The following ZNF285 variants were observed in gnomAD, a reference collection of about 807,000 sequenced individuals.
ZNF285 encodes zinc finger protein 285.
Under a neutral mutation model 6.2 loss-of-function variants are expected in ZNF285, and 4 were observed. The observed-to-expected ratio is 0.65, with a 90% confidence interval of 0.32 to 1.49. ZNF285 has a LOEUF of 1.49. Ranked by LOEUF, ZNF285 falls within the 40% of genes most tolerant of loss-of-function variation. The pLI is 0.07. For missense variants in ZNF285, 695 were observed against 708.8 expected, an observed-to-expected ratio of 0.98 and a Z score of 0.22; for synonymous variants, 240 against 245.8, an observed-to-expected ratio of 0.98 and a Z score of 0.22.
chr19:44,394,770 T>C (rs567845572), intron 2 of ZNF285, among the ~76,000 whole-genome samples: 2 of 152,286 alleles, frequency 1.3e-5, no homozygotes, highest in Admixed American at 1.3e-4. Flanking sequence ...AAGAACATGT[T>C]ACTAACAATT....
intron 2 of ZNF285, chr19:44,394,579 A>G: frequency 3.5e-6 from 2 of 578,852 alleles, no homozygotes; most frequent in Non-Finnish European, 6.0e-6. Context: ...AAAATTTTAA[A>G]AAATTAAAAA....
rs543374995 is a variant in ZNF285 at position 44,385,552 on chromosome 19, A to G, written c.*920T>C. On this transcript the variant is annotated 3_prime_UTR_variant, in exon 4 of 4. Transcript: ENST00000614994. ...ATGTTACTTCTGTATGTGGACTCCA[A>G]TGACAATGAAACATATTGCTATAAA... 1 of 152,364 alleles carries G rather than the reference A, an allele frequency of 6.6e-6. No individual in the cohort carries two copies. The highest frequency in any genetic ancestry group is 2.4e-5 in the African/African-American group (1 of 41,578). The allele number at this position is 152,364 out of a possible 1,614,324, so 9.4% of individuals were successfully genotyped here.
chr19:44,387,183 T>C lies in ZNF285; in HGVS notation c.1062A>G (p.Gly354=). The C allele has an allele frequency of 6.2e-7, 1 of 1,612,024 alleles. No homozygotes were observed. Among genetic ancestry groups the C allele is most frequent in the Non-Finnish European group, 8.5e-7 (1 of 1,179,352 alleles). The stretch of plus-strand genomic sequence containing the variant: ...GATGAATACAAAGAAGTGACCTAAA[T>C]CCAAACCCTTTCCCACATTCATCGC... The part of the protein sequence containing the change: ...YKCDECGKGF[G]FRSLLCIHQG... The change falls in exon 4 of 4, where the codon GGA becomes GGG. Residue 354 remains glycine, a synonymous_variant. Transcript: ENST00000614994.
chr19:44,400,422 T>C (rs1971355779), intron 1 of ZNF285, among the ~76,000 whole-genome samples: 1 of 152,124 alleles, frequency 6.6e-6, no homozygotes, highest in South Asian at 2.1e-4. Flanking sequence ...TCTCTAACTT[T>C]ATCAAATATA....
chr19:44,388,002 G>A lies in ZNF285; in HGVS notation c.243C>T (p.Ile81=). 1 of 1,614,102 alleles carries A rather than the reference G, an allele frequency of 6.2e-7. No homozygotes were observed. The part of the protein sequence containing the change: ...LHCWQIWKQR[I]RDLTVSQDYI... Reference sequence around the variant, plus strand: ...AATCCTGACTCACAGTTAAATCCCGGATCCTTTGTTTCCAAATCTGCCAGC... The same window carrying A: ...AATCCTGACTCACAGTTAAATCCCGAATCCTTTGTTTCCAAATCTGCCAGC... The change falls in exon 4 of 4, where the codon ATC becomes ATT. Residue 81 remains isoleucine, a synonymous_variant. Transcript: ENST00000614994.
At chr19:44,397,301 GTGAA>G (rs1568389812) in intron 1 of ZNF285, 45 bp from the exon 2 acceptor site, 23 of 1,604,084 alleles carry the variant, frequency 1.4e-5, no homozygotes, top group Non-Finnish European at 1.9e-5. Context: ...TCAACAAGTT[GTGAA>G]TGAACATTGG....
intron 3 of ZNF285, chr19:44,392,082 G>A (rs1971205314): frequency 1.9e-6 from 2 of 1,034,554 alleles, no homozygotes; most frequent in Non-Finnish European, 2.5e-6. Context: ...GAGTAGGGGA[G>A]GGAGGGCTTA....
intron 2 of ZNF285, chr19:44,392,741 C>T (rs1971218981): frequency 1.7e-6 from 1 of 571,688 alleles, no homozygotes; most frequent in Non-Finnish European, 3.2e-6. Flanking sequence ...CTCATAAGGA[C>T]ACTAATCCTA....
intron 2 of ZNF285, among the ~76,000 whole-genome samples, chr19:44,395,626 C>A (rs532704073): frequency 6.6e-6 from 1 of 152,104 alleles, no homozygotes; most frequent in Admixed American, 6.5e-5. Flanking sequence ...GAAATATATA[C>A]TGAAATACAC....
chr19:44,390,663 T>G (rs1971177940), intron 3 of ZNF285, among the ~76,000 whole-genome samples: 1 of 152,014 alleles, frequency 6.6e-6, no homozygotes, highest in Non-Finnish European at 1.5e-5. Context: ...TGTAAGGACA[T>G]ATGATTTGGG....
At chr19:44,392,525 T>C in intron 2 of ZNF285, 59 bp from the exon 3 acceptor site, 1 of 1,613,512 alleles carries the variant, frequency 6.2e-7, no homozygotes, top group South Asian at 1.1e-5. Flanking sequence ...TCTTAGTCTG[T>C]TTGGGCTGCC....
At chr19:44,393,952 C>G (rs935226225) in intron 2 of ZNF285, among the ~76,000 whole-genome samples, 7 of 152,128 alleles carry the variant, frequency 4.6e-5, no homozygotes, top group African/African-American at 1.7e-4. Flanking sequence ...TATAAATACA[C>G]ATGCACACGT....
chr19:44,393,415 G>A (rs73039967), intron 2 of ZNF285, among the ~76,000 whole-genome samples: 3,891 of 152,212 alleles, frequency 0.026, 97 homozygotes, highest in African/African-American at 0.064. Context: ...TCTTTTGGCA[G>A]CACAAATGTC....
In ZNF285 at chr19:44,393,978, C is replaced by T. The variant is rs1228268763; in HGVS notation, c.16-1512G>A. 2.0e-5 allele frequency among the ~76,000 whole-genome samples: 3 copies of T among 152,158 alleles called. No individual in the cohort carries two copies. The East Asian group carries it at 5.8e-4, about 29-fold the overall frequency. ...ATGCACACGTATGTTTATTGCGGCA[C>T]TATTCACAATAGCAAAGACTTGGAA... On this transcript the variant is annotated intron_variant, in intron 2 of 3. Transcript: ENST00000614994.
Position 44,386,313 on chromosome 19 carries a change from C to G in ZNF285, c.*159G>C. 1.3e-6 allele frequency: 1 copy of G among 773,622 alleles called. No homozygotes were observed. Among genetic ancestry groups the G allele is most frequent in the Non-Finnish European group, 2.0e-6 (1 of 500,056 alleles). 47.9% of individuals were successfully genotyped at this position (773,622 alleles called of 1,614,324 possible). ...GCTTCACAGAAGTTCTTGAAATCCA[C>G]AGTCCTTGCCTGGCACACTTCAGTG... is the stretch of plus-strand genomic sequence containing the variant. On this transcript the variant is annotated 3_prime_UTR_variant, in exon 4 of 4. Transcript: ENST00000614994.
At chr19:44,393,736 C>T (rs1186758236) in intron 2 of ZNF285, among the ~76,000 whole-genome samples, 2 of 152,042 alleles carry the variant, frequency 1.3e-5, no homozygotes, top group Non-Finnish European at 2.9e-5. Context: ...GTTAGAATGG[C>T]GATCATTAAA....
At chr19:44,400,752 T>C (rs988636552) in intron 1 of ZNF285, among the ~76,000 whole-genome samples, 1 of 152,012 alleles carries the variant, frequency 6.6e-6, no homozygotes, top group Non-Finnish European at 1.5e-5. Flanking sequence ...TTTTTTGTAA[T>C]TGTTTTTTGT....
chr19:44,393,695 C>G (rs935005475), intron 2 of ZNF285, among the ~76,000 whole-genome samples: 3 of 152,096 alleles, frequency 2.0e-5, no homozygotes, highest in Non-Finnish European at 4.4e-5. Flanking sequence ...AAATGCAAAT[C>G]AAAACCACAA....
In ZNF285 at chr19:44,386,642, TG is replaced by T; in HGVS notation, c.1602del (p.His534GlnfsTer30). ...TTACACTTATAGGGCCTCTCTCCTG[TG>T]TGGACTCTGAGGTGAACATTAAGAT... ...NSDLNVHLRV[H>X]TGERPYKCKA... On this transcript the variant is annotated frameshift_variant, in exon 4 of 4. Coordinates refer to ENST00000614994, the MANE Select transcript of ZNF285 (RefSeq NM_152354.6). LOFTEE classifies it low-confidence loss of function (END_TRUNC). 1 of 1,614,150 alleles carries T rather than the reference TG, an allele frequency of 6.2e-7. No individual in the cohort carries two copies. The highest frequency in any genetic ancestry group is 1.1e-5 in the South Asian group (1 of 91,080).
Sources: allele counts gnomAD v4.1 joint callset (sites outside exome capture counted in the v4.1 genomes callset), GRCh38; gene constraint gnomAD v4.1.1; transcripts MANE v1.5; gene names NCBI Gene and HGNC (gene_info 2026-07-23, HGNC 2026-07-21).